Variants in IPO11 observed in about 807,000 individuals in gnomAD.
The protein encoded by IPO11 is importin-11.
A neutral mutation model predicts 143.2 loss-of-function variants in IPO11; 66 were observed. That is an observed-to-expected ratio of 0.46 (90% confidence interval 0.38 to 0.57). IPO11 has a LOEUF of 0.57. Ranked by LOEUF, IPO11 falls within the 20% of genes least tolerant of loss-of-function variation. The pLI is 0.00. For synonymous variants in IPO11, 385 were observed against 377.8 expected, an observed-to-expected ratio of 1.02 and a Z score of -0.22; for missense variants, 1,026 against 1,141.0, an observed-to-expected ratio of 0.90 and a Z score of 1.45.
At chr5:62,483,026 T>C (rs1561329096) in intron 9 of IPO11, 75 bp from the exon 10 acceptor site, 2 of 930,566 alleles carry the variant, frequency 2.1e-6, no homozygotes, top group African/African-American at 1.7e-5. Context: ...AGTAAAGTTA[T>C]AATTGGAGTG....
chr5:62,501,157 C>A (rs1166512566), intron 16 of IPO11, among the ~76,000 whole-genome samples: 1 of 152,166 alleles, frequency 6.6e-6, no homozygotes, highest in African/African-American at 2.4e-5. Flanking sequence ...ACTCTTCTGT[C>A]TTTCCACTCT....
At chr5:62,493,871 A>T in intron 15 of IPO11, 127 bp from the exon 16 acceptor site, 1 of 881,276 alleles carries the variant, frequency 1.1e-6, no homozygotes, top group Non-Finnish European at 1.6e-6. Context: ...ACCTGCTTTT[A>T]AGCTTTTATA....
chr5:62,430,217 A>G (rs1035807455), intron 1 of IPO11, among the ~76,000 whole-genome samples: 19 of 151,606 alleles, frequency 1.3e-4, no homozygotes, highest in African/African-American at 4.6e-4. Flanking sequence ...TTGCTATGTT[A>G]TATGTTATTC....
intron 28 of IPO11, among the ~76,000 whole-genome samples, chr5:62,597,154 C>T (rs1383770585): frequency 6.6e-6 from 1 of 152,048 alleles, no homozygotes; most frequent in Non-Finnish European, 1.5e-5. Context: ...TAACAGAAAA[C>T]TATTAACATA....
intron 5 of IPO11, among the ~76,000 whole-genome samples, chr5:62,462,684 C>G (rs958338570): frequency 6.6e-6 from 1 of 152,164 alleles, no homozygotes; most frequent in Admixed American, 6.5e-5. Context: ...GCATGAGCCA[C>G]TATGCCCGGC....
rs1227485910 is a variant in IPO11 at position 62,507,629 on chromosome 5, G to GT, written c.1782+1275dup. 9.9e-5 allele frequency among the ~76,000 whole-genome samples: 15 copies of GT among 152,128 alleles called. No individual in the cohort carries two copies. The East Asian group carries it at 2.9e-3, about 29-fold the overall frequency. On this transcript the variant is annotated intron_variant, in intron 19 of 29. Transcript: ENST00000325324. ...GGGTACTATAAAGTTGCAATAAATG[G>GT]TTTAAAAAGTTGATTATAAAAACAA... is the stretch of plus-strand genomic sequence containing the variant.
intron 27 of IPO11, among the ~76,000 whole-genome samples, chr5:62,565,322 A>T (rs1743896444): frequency 6.6e-6 from 1 of 152,076 alleles, no homozygotes; most frequent in African/African-American, 2.4e-5. Flanking sequence ...TCTCATCTCT[A>T]CTAAAAATAC....
chr5:62,453,993 G>T (rs937153427), intron 5 of IPO11, among the ~76,000 whole-genome samples: 3 of 151,996 alleles, frequency 2.0e-5, no homozygotes, highest in African/African-American at 7.3e-5. Flanking sequence ...AAAATAGCCG[G>T]GCGTGGTGGC....
At chr5:62,448,768 A>G (rs1744807295) in intron 3 of IPO11, among the ~76,000 whole-genome samples, 1 of 152,180 alleles carries the variant, frequency 6.6e-6, no homozygotes, top group African/African-American at 2.4e-5. Context: ...TATGTTGCCC[A>G]GGCTTATCTT....
chr5:62,413,140 C>T (rs6859822), intron 1 of IPO11, among the ~76,000 whole-genome samples: 152 of 152,240 alleles, frequency 1.0e-3, no homozygotes, highest in African/African-American at 3.6e-3. Flanking sequence ...GAGTGGGCAG[C>T]ATGGTAGTGG....
chr5:62,546,122 C>G (rs1743166768), intron 24 of IPO11, among the ~76,000 whole-genome samples: 1 of 152,178 alleles, frequency 6.6e-6, no homozygotes, highest in African/African-American at 2.4e-5. Flanking sequence ...GATTATATAT[C>G]ATGCTGCTAT....
intron 6 of IPO11, 33 bp from the exon 7 acceptor site, chr5:62,470,217 A>G (rs777458487): frequency 3.8e-6 from 6 of 1,590,598 alleles, no homozygotes; most frequent in Non-Finnish European, 5.2e-6. Context: ...AGGATAAAAT[A>G]AGATTCAAGT....
At chr5:62,456,452 A>G (rs1745160477) in intron 5 of IPO11, among the ~76,000 whole-genome samples, 1 of 152,174 alleles carries the variant, frequency 6.6e-6, no homozygotes, top group African/African-American at 2.4e-5. Flanking sequence ...AAGTATGTTA[A>G]AGTAAATAAT....
At chr5:62,477,480 G>A (rs1016744870) in intron 9 of IPO11, among the ~76,000 whole-genome samples, 3 of 152,158 alleles carry the variant, frequency 2.0e-5, no homozygotes, top group Non-Finnish European at 4.4e-5. Context: ...GTTTTAGGTA[G>A]TAATTACCTT....
intron 3 of IPO11, among the ~76,000 whole-genome samples, chr5:62,448,268 C>G (rs1349709329): frequency 6.6e-6 from 1 of 151,914 alleles, no homozygotes; most frequent in Non-Finnish European, 1.5e-5. Context: ...AGGAATAATT[C>G]ATGTCCCAGG....
intron 27 of IPO11, chr5:62,581,508 A>G (rs1681701123): frequency 6.4e-6 from 3 of 470,792 alleles, no homozygotes; most frequent in Non-Finnish European, 1.1e-5. Flanking sequence ...TTAAGTAATA[A>G]TAGCTAACAT....
intron 20 of IPO11, among the ~76,000 whole-genome samples, chr5:62,522,403 G>T (rs1046972766): frequency 3.3e-5 from 5 of 151,882 alleles, no homozygotes; most frequent in Admixed American, 3.3e-4. Context: ...TCCTGCCTCA[G>T]CCTCCCCAGT....
intron 12 of IPO11, 57 bp downstream of exon 12, chr5:62,485,519 T>C (rs1241125767): frequency 6.1e-6 from 8 of 1,313,940 alleles, no homozygotes; most frequent in Admixed American, 3.4e-5. Context: ...TCTAAAGCTC[T>C]TAGTAGAGAA....
At chr5:62,418,249 T>C (rs1176079162) in intron 1 of IPO11, among the ~76,000 whole-genome samples, 1 of 151,536 alleles carries the variant, frequency 6.6e-6, no homozygotes, top group Admixed American at 6.6e-5. Flanking sequence ...CACTGCGACC[T>C]CCGCCTTCTG....
Sources: allele counts gnomAD v4.1 joint callset (sites outside exome capture counted in the v4.1 genomes callset), GRCh38; gene constraint gnomAD v4.1.1; transcripts MANE v1.5; gene names NCBI Gene and HGNC (gene_info 2026-07-23, HGNC 2026-07-21).